SEMA5A: variants seen among roughly 807,000 people sequenced by gnomAD.
SEMA5A encodes semaphorin 5A.
Under a neutral mutation model 135.5 loss-of-function variants are expected in SEMA5A, and 55 were observed. The ratio of observed to expected loss-of-function variants is 0.41; its 90% confidence interval spans 0.33 to 0.51. The LOEUF is 0.51. Among genes scored for constraint, SEMA5A ranks in the 20% least tolerant of loss-of-function variants. The pLI, the probability that SEMA5A is intolerant of heterozygous loss-of-function variation, is 0.37. For missense variants in SEMA5A, 1,290 were observed against 1,419.9 expected, an observed-to-expected ratio of 0.91 and a Z score of 1.47; for synonymous variants, 580 against 546.5, an observed-to-expected ratio of 1.06 and a Z score of -0.85.
At chr5:9,299,397 T>A (rs147029466) in intron 5 of SEMA5A, among the ~76,000 whole-genome samples, 1 of 152,256 alleles carries the variant, frequency 6.6e-6, no homozygotes, top group East Asian at 1.9e-4. Context: ...CCTGGAAGGT[T>A]TGAATTCAGT....
In SEMA5A at chr5:9,428,859, T is replaced by G. The variant is rs187716828; in HGVS notation, c.-78+8897A>C. Among the ~76,000 whole-genome samples the G allele has an allele frequency of 1.6e-4, 25 of 152,344 alleles. No homozygotes were observed. The East Asian group carries it at 4.1e-3, about 25-fold the overall frequency. ...TAGAGAAGTTATATTTTACAAAATTTCCATCTGAATCACTTCATTAAATAA... is the reference window on the plus strand; with the variant it reads ...TAGAGAAGTTATATTTTACAAAATTGCCATCTGAATCACTTCATTAAATAA... On this transcript the variant is annotated intron_variant, in intron 2 of 22. Coordinates refer to ENST00000382496, the MANE Select transcript of SEMA5A (RefSeq NM_003966.3).
chr5:9,210,499 T>C (rs1286493302), intron 8 of SEMA5A, among the ~76,000 whole-genome samples: 2 of 152,184 alleles, frequency 1.3e-5, no homozygotes, highest in African/African-American at 2.4e-5. Context: ...CTCTCAACCT[T>C]TTCCAGAGTC....
chr5:9,193,345 A>G (rs879558773), intron 10 of SEMA5A, among the ~76,000 whole-genome samples: 1 of 152,194 alleles, frequency 6.6e-6, no homozygotes, highest in Non-Finnish European at 1.5e-5. Context: ...AAGCACAGCC[A>G]TTGCTCTCAT....
intron 3 of SEMA5A, among the ~76,000 whole-genome samples, chr5:9,360,596 AAAT>A (rs1754648806): frequency 6.6e-6 from 1 of 152,244 alleles, no homozygotes; most frequent in Non-Finnish European, 1.5e-5. Context: ...ATGATGGTGA[AAAT>A]AATAAAACTG....
At chr5:9,465,185 T>C (rs1317280925) in intron 1 of SEMA5A, among the ~76,000 whole-genome samples, 1 of 152,216 alleles carries the variant, frequency 6.6e-6, no homozygotes, top group Non-Finnish European at 1.5e-5. Context: ...CACAGTCTCA[T>C]TGTTAACATG....
At chr5:9,240,675 T>C (rs1003412766) in intron 5 of SEMA5A, among the ~76,000 whole-genome samples, 2 of 152,214 alleles carry the variant, frequency 1.3e-5, no homozygotes, top group Non-Finnish European at 2.9e-5. Context: ...TTGTTTAACC[T>C]GGTCACAACT....
chr5:9,351,998 T>C (rs893164245), intron 3 of SEMA5A, among the ~76,000 whole-genome samples: 2 of 150,974 alleles, frequency 1.3e-5, no homozygotes, highest in Admixed American at 6.6e-5. Context: ...ATAACACTGA[T>C]TCTCATTTCT....
chr5:9,235,569 A>G (rs1378882382), intron 6 of SEMA5A, among the ~76,000 whole-genome samples: 1 of 150,210 alleles, frequency 6.7e-6, no homozygotes, highest in African/African-American at 2.4e-5. Context: ...GAGTGTTAAG[A>G]TCGGACGAGG....
chr5:9,153,719 T>A (rs1013440971), intron 12 of SEMA5A, among the ~76,000 whole-genome samples: 5 of 152,096 alleles, frequency 3.3e-5, no homozygotes, highest in African/African-American at 1.2e-4. Context: ...GTATACCTTA[T>A]AATATTTTTT....
At chr5:9,097,318 A>G (rs1356898467) in intron 16 of SEMA5A, among the ~76,000 whole-genome samples, 1 of 152,160 alleles carries the variant, frequency 6.6e-6, no homozygotes, top group African/African-American at 2.4e-5. Context: ...TGGGTAAAAA[A>G]CCAAAATGCT....
chr5:9,330,048 GA>G (rs1245355037), intron 4 of SEMA5A, among the ~76,000 whole-genome samples: 1 of 152,002 alleles, frequency 6.6e-6, no homozygotes, highest in African/African-American at 2.4e-5. Context: ...AGAACCCAGG[GA>G]GGACCAACTG....
At chr5:9,075,505 T>C (rs1291117442) in intron 16 of SEMA5A, among the ~76,000 whole-genome samples, 1 of 147,218 alleles carries the variant, frequency 6.8e-6, no homozygotes, top group Non-Finnish European at 1.5e-5. Flanking sequence ...GAACTCTTAA[T>C]ATACAAAACA....
At chr5:9,264,068 T>A (rs1183941187) in intron 5 of SEMA5A, among the ~76,000 whole-genome samples, 1 of 152,126 alleles carries the variant, frequency 6.6e-6, no homozygotes, top group Non-Finnish European at 1.5e-5. Context: ...GAAACATGAG[T>A]CTGTGATGAA....
At chr5:9,348,856 T>C (rs1405896639) in intron 3 of SEMA5A, among the ~76,000 whole-genome samples, 2 of 152,212 alleles carry the variant, frequency 1.3e-5, no homozygotes, top group Non-Finnish European at 2.9e-5. Flanking sequence ...CAGAGATTTC[T>C]TAGAGCCTTA....
At chr5:9,094,481 T>C (rs1039997814) in intron 16 of SEMA5A, among the ~76,000 whole-genome samples, 4 of 152,228 alleles carry the variant, frequency 2.6e-5, no homozygotes, top group African/African-American at 9.6e-5. Flanking sequence ...AATAAACCAA[T>C]TAAATGAGCT....
chr5:9,293,062 C>T (rs1751167338), intron 5 of SEMA5A, among the ~76,000 whole-genome samples: 1 of 152,166 alleles, frequency 6.6e-6, no homozygotes, highest in Non-Finnish European at 1.5e-5. Context: ...CTGCTCTGAG[C>T]CTTGGTAGCA....
In SEMA5A at chr5:9,108,151, C is replaced by A; in HGVS notation, c.2062G>T (p.Gly688Cys). 1.9e-6 allele frequency: 3 copies of A among 1,614,020 alleles called. No individual in the cohort carries two copies. Among genetic ancestry groups the A allele is most frequent in the Non-Finnish European group, 2.5e-6 (3 of 1,179,960 alleles). Residue 688 changes from glycine (G) to cysteine (C), a missense_variant, in exon 16 of 23, where the codon GGC becomes TGC. Physicochemically the swap from Gly to Cys is radical, Grantham distance 159. Coordinates refer to ENST00000382496, the MANE Select transcript of SEMA5A (RefSeq NM_003966.3). Reference protein sequence around the residue: ...RICENGPDCAGCNVEYQSCNT... With the variant: ...RICENGPDCACCNVEYQSCNT... ...AGAAGGCTACTCACCACATTGCAGC[C>A]TGCACAGTCAGGCCCATTCTCACAG...
At chr5:9,384,707 G>C (rs1455753159) in intron 2 of SEMA5A, among the ~76,000 whole-genome samples, 1 of 138,682 alleles carries the variant, frequency 7.2e-6, no homozygotes, top group Non-Finnish European at 1.5e-5. Flanking sequence ...TAGATAGATA[G>C]ATAGATAGAC....
chr5:9,342,396 C>T (rs1753690841), intron 3 of SEMA5A, among the ~76,000 whole-genome samples: 1 of 152,148 alleles, frequency 6.6e-6, no homozygotes, highest in Non-Finnish European at 1.5e-5. Flanking sequence ...AGGGCTGGCT[C>T]CGGATACCTG....
Sources: allele counts gnomAD v4.1 joint callset (sites outside exome capture counted in the v4.1 genomes callset), GRCh38; gene constraint gnomAD v4.1.1; transcripts MANE v1.5; gene names NCBI Gene and HGNC (gene_info 2026-07-23, HGNC 2026-07-21).